The following PRKACB variants were observed in gnomAD, a reference collection of about 807,000 sequenced individuals.
PRKACB encodes the protein protein kinase cAMP-activated catalytic subunit beta.
Under a neutral mutation model 51.4 loss-of-function variants are expected in PRKACB, and 16 were observed. The ratio of observed to expected loss-of-function variants is 0.31; its 90% CI spans 0.21 to 0.47. The LOEUF (loss-of-function observed/expected upper bound fraction) is 0.47. Ranked by LOEUF, PRKACB falls within the 20% of genes least tolerant of loss-of-function variation. PRKACB has a pLI of 1.00. For synonymous variants in PRKACB, 147 were observed against 154.4 expected (o/e 0.95, Z 0.35); for missense variants, 309 against 464.5 (o/e 0.67, Z 3.08).
Position 84,120,361 on chromosome 1 carries a change from G to T in PRKACB, c.46+41990G>T, listed in dbSNP as rs963180241. Among the ~76,000 whole-genome samples the T allele has an allele frequency of 2.0e-5, 3 of 152,062 alleles. No individual in the cohort carries two copies. In the South Asian group the frequency reaches 6.2e-4, roughly 31 times the overall value. On this transcript the variant is annotated intron_variant, in intron 1 of 8. Coordinates refer to the PRKACB transcript ENST00000370688. ...TCGAAATTAGGATGCTTCCTAAAAT[G>T]ATGACATCAGTCAGGCAATTCTTGT... is the stretch of plus-strand genomic sequence containing the variant.
chr1:84,214,681 G>A (rs1338702350), intron 9 of PRKACB, among the ~76,000 whole-genome samples: 1 of 151,916 alleles, frequency 6.6e-6, no homozygotes, highest in African/African-American at 2.4e-5. Flanking sequence ...TTTTAGTAGA[G>A]ACAGGGTTTC....
At chr1:84,176,261 GCTGT>G (rs1319554350) in intron 1 of PRKACB, among the ~76,000 whole-genome samples, 1 of 151,780 alleles carries the variant, frequency 6.6e-6, no homozygotes, top group African/African-American at 2.4e-5. Context: ...TTTGAATCTG[GCTGT>G]CTCTGTCACA....
At chr1:84,085,395 C>T (rs567445209) in intron 1 of PRKACB, among the ~76,000 whole-genome samples, 10 of 152,122 alleles carry the variant, frequency 6.6e-5, no homozygotes, top group Admixed American at 2.0e-4. Context: ...TCACTTTGGA[C>T]AAATGTTTTA....
intron 1 of PRKACB, among the ~76,000 whole-genome samples, chr1:84,099,829 C>T (rs181814009): frequency 1.4e-4 from 22 of 151,912 alleles, no homozygotes; most frequent in Admixed American, 1.4e-3. Context: ...CTCTTGGTAC[C>T]GAGAAGATGC....
chr1:84,182,386 T>C lies in PRKACB; in HGVS notation c.378+58T>C, dbSNP rs796108271. ...TAAACTTTAGTTTTATCAGCTAGACTATTAAACAGATTCAGTATAATGACT... is the reference window on the plus strand; with the variant it reads ...TAAACTTTAGTTTTATCAGCTAGACCATTAAACAGATTCAGTATAATGACT... On this transcript the variant is annotated intron_variant, in intron 3 of 9. Coordinates refer to ENST00000370685, the MANE Select transcript of PRKACB (RefSeq NM_182948.4). 60 of 1,325,986 alleles carry C rather than the reference T, an allele frequency of 4.5e-5. No homozygotes were observed. In the African/African-American group the frequency reaches 8.1e-4, roughly 18 times the overall value. 82.1% of individuals were successfully genotyped at this position (1,325,986 alleles called of 1,614,324 possible). A position where few individuals can be genotyped will look rare whatever the true frequency, so the allele number is the denominator to read the frequency against.
intron 9 of PRKACB, among the ~76,000 whole-genome samples, chr1:84,225,297 T>C (rs1485282091): frequency 6.6e-6 from 1 of 152,172 alleles, no homozygotes; most frequent in East Asian, 1.9e-4. Flanking sequence ...AGTCCTGTTG[T>C]GGGGGCTGGG....
At chr1:84,085,082 A>C (rs1038866911) in intron 1 of PRKACB, among the ~76,000 whole-genome samples, 1 of 152,242 alleles carries the variant, frequency 6.6e-6, no homozygotes. Context: ...GAGGAAAGCC[A>C]AAGTACTGAT....
intron 1 of PRKACB, among the ~76,000 whole-genome samples, chr1:84,176,000 G>GAA (rs1661119604): frequency 6.6e-6 from 1 of 151,562 alleles, no homozygotes; most frequent in Admixed American, 6.6e-5. Flanking sequence ...ATTCTTTGAA[G>GAA]GATTTTTTTC....
chr1:84,106,704 T>C (rs1557940817), intron 1 of PRKACB, among the ~76,000 whole-genome samples: 1 of 152,164 alleles, frequency 6.6e-6, no homozygotes, highest in Non-Finnish European at 1.5e-5. Context: ...GATTCAATGC[T>C]ATTTCTATCA....
chr1:84,228,362 C>G (rs1286895556), intron 9 of PRKACB, among the ~76,000 whole-genome samples: 1 of 152,110 alleles, frequency 6.6e-6, no homozygotes, highest in African/African-American at 2.4e-5. Flanking sequence ...GCTTTAGCCG[C>G]TTATCAGTCA....
At chr1:84,142,311 G>C (rs1338639400), upstream of PRKACB, among the ~76,000 whole-genome samples, 3 of 152,166 alleles carry the variant, frequency 2.0e-5, no homozygotes, top group Non-Finnish European at 2.9e-5. Flanking sequence ...CTTCACTGAA[G>C]AGGTGACATT....
At chr1:84,162,762 T>G (rs1158295447) in intron 1 of PRKACB, among the ~76,000 whole-genome samples, 2 of 151,916 alleles carry the variant, frequency 1.3e-5, no homozygotes, top group Admixed American at 1.3e-4. Context: ...TTTAAAGTCT[T>G]TAAAGCCTTT....
In PRKACB at chr1:84,118,973, T is replaced by C. The variant is rs190453298; in HGVS notation, c.46+40602T>C. On this transcript the variant is annotated intron_variant, in intron 1 of 8. Transcript: ENST00000370688. ...GAAGCAGAGACCCTATTCAAACTGA[T>C]TGAAACAGAAAGGAAATAATTTTTT... 1.3e-4 allele frequency among the ~76,000 whole-genome samples: 20 copies of C among 152,278 alleles called. No homozygotes were observed. In the East Asian group the frequency reaches 2.9e-3, roughly 22 times the overall value.
At chr1:84,096,545 A>G (rs963945678) in intron 1 of PRKACB, among the ~76,000 whole-genome samples, 1 of 152,114 alleles carries the variant, frequency 6.6e-6, no homozygotes, top group Admixed American at 6.6e-5. Flanking sequence ...CCCTGAGGGC[A>G]AAAGCTGTAA....
intron 6 of PRKACB, among the ~76,000 whole-genome samples, chr1:84,197,436 T>A (rs1245414781): frequency 6.6e-6 from 1 of 152,160 alleles, no homozygotes; most frequent in Admixed American, 6.5e-5. Context: ...TATTTTTACC[T>A]TTTATTTTCA....
intron 7 of PRKACB, among the ~76,000 whole-genome samples, chr1:84,198,781 A>T (rs1668923317): frequency 6.6e-6 from 1 of 150,602 alleles, no homozygotes; most frequent in South Asian, 2.1e-4. Flanking sequence ...CCTATATGTA[A>T]TCCCACCAAC....
At chr1:84,222,223 A>G (rs1673840012) in intron 9 of PRKACB, among the ~76,000 whole-genome samples, 1 of 151,958 alleles carries the variant, frequency 6.6e-6, no homozygotes, top group South Asian at 2.1e-4. Context: ...CCTTTATCTG[A>G]TATAAATTTA....
intron 8 of PRKACB, 96 bp downstream of exon 8, chr1:84,202,901 A>G (rs1005938395): frequency 9.3e-7 from 1 of 1,076,568 alleles, no homozygotes. Context: ...ATTATTCTAC[A>G]TTGGGAAAAA....
At chr1:84,187,600 G>A (rs1665534725) in intron 5 of PRKACB, among the ~76,000 whole-genome samples, 1 of 151,944 alleles carries the variant, frequency 6.6e-6, no homozygotes, top group South Asian at 2.1e-4. Flanking sequence ...GGAACAGAGC[G>A]GTTCTCATTT....
Sources: gnomAD v4.1 joint callset for allele counts (sites outside exome capture counted in the v4.1 genomes callset) on GRCh38, gnomAD v4.1.1 for gene constraint, MANE v1.5 for transcripts, NCBI Gene and HGNC (gene_info 2026-07-23, HGNC 2026-07-21) for gene names.